Variants in RGS6 observed in about 807,000 individuals in gnomAD.
RGS6 encodes the protein regulator of G-protein signaling 6.
RGS6 carries 30 observed loss-of-function variants against 78.5 expected under a neutral mutation model. The ratio of observed to expected loss-of-function variants is 0.38; its 90% CI spans 0.29 to 0.52. The LOEUF is 0.52. Among genes scored for constraint, RGS6 ranks in the 20% least tolerant of loss-of-function variants. The pLI is 0.85. For missense variants in RGS6, 495 were observed against 609.7 expected (o/e 0.81, Z 1.98); for synonymous variants, 206 against 206.0 (o/e 1.00, Z 0.00).
intron 2 of RGS6, among the ~76,000 whole-genome samples, chr14:72,046,683 T>C (rs1318696164): frequency 6.6e-6 from 1 of 151,958 alleles, no homozygotes; most frequent in East Asian, 1.9e-4. Flanking sequence ...TCCTTCATCT[T>C]AACTCATCCT....
chr14:72,231,202 A>T (rs2049487473), intron 2 of RGS6, among the ~76,000 whole-genome samples: 1 of 152,202 alleles, frequency 6.6e-6, no homozygotes, highest in Non-Finnish European at 1.5e-5. Flanking sequence ...TGACAAGAGC[A>T]TCAACCCCAC....
chr14:72,050,669 A>G (rs934579360), intron 2 of RGS6, among the ~76,000 whole-genome samples: 2 of 152,226 alleles, frequency 1.3e-5, no homozygotes, highest in African/African-American at 4.8e-5. Context: ...CTCCTCTAGC[A>G]GGGAATCAAT....
At chr14:72,222,447 T>A (rs1439914323) in intron 2 of RGS6, among the ~76,000 whole-genome samples, 2 of 152,162 alleles carry the variant, frequency 1.3e-5, no homozygotes, top group African/African-American at 4.8e-5. Flanking sequence ...TCTCCAGGAG[T>A]ACCAAAGATA....
chr14:72,180,631 TAGCC>T (rs1298776601), intron 2 of RGS6, among the ~76,000 whole-genome samples: 6 of 152,242 alleles, frequency 3.9e-5, no homozygotes, highest in African/African-American at 1.4e-4. Flanking sequence ...ATAGCCAAGA[TAGCC>T]AGAGTGTATG....
intron 2 of RGS6, among the ~76,000 whole-genome samples, chr14:72,331,248 CAAAAA>C (rs55899915): frequency 1.6e-5 from 2 of 128,628 alleles, no homozygotes; most frequent in Admixed American, 7.8e-5. Flanking sequence ...CCCTGTCGTT[CAAAAA>C]AAAAAAAAAA....
chr14:72,382,324 C>A (rs1249759104), intron 3 of RGS6, among the ~76,000 whole-genome samples: 1 of 151,928 alleles, frequency 6.6e-6, no homozygotes, highest in African/African-American at 2.4e-5. Flanking sequence ...TATACATGAC[C>A]AATAAGCATA....
chr14:71,967,166 C>T (rs149145762), intron 2 of RGS6, among the ~76,000 whole-genome samples: 1,778 of 144,128 alleles, frequency 0.012, 41 homozygotes, highest in African/African-American at 0.043. Context: ...ATCTTACTTT[C>T]GTGTGACAAA....
intron 2 of RGS6, among the ~76,000 whole-genome samples, chr14:72,180,169 C>G (rs1250865716): frequency 6.6e-6 from 1 of 152,218 alleles, no homozygotes; most frequent in Non-Finnish European, 1.5e-5. Flanking sequence ...CTGCCAAGGA[C>G]TACTGTGATC....
chr14:72,205,740 TG>T (rs1366321590), intron 2 of RGS6, among the ~76,000 whole-genome samples: 4 of 152,262 alleles, frequency 2.6e-5, no homozygotes, highest in Admixed American at 2.0e-4. Context: ...AATAGTTTAC[TG>T]GCTAAGGCTC....
the RGS6 span, among the ~76,000 whole-genome samples, chr14:71,920,015 A>G: frequency 6.6e-6 from 1 of 152,138 alleles, no homozygotes; most frequent in Middle Eastern, 3.2e-3. Flanking sequence ...ATAAAATAAA[A>G]TAAAGAATTT....
At chr14:71,919,705 T>C in the RGS6 span, among the ~76,000 whole-genome samples, 3 of 152,114 alleles carry the variant, frequency 2.0e-5, no homozygotes, top group Admixed American at 6.5e-5. Context: ...TTAGAAATAA[T>C]TTTTTAAGCT....
chr14:71,995,227 T>C (rs1425477052), intron 2 of RGS6, among the ~76,000 whole-genome samples: 1 of 151,632 alleles, frequency 6.6e-6, no homozygotes, highest in Non-Finnish European at 1.5e-5. Context: ...CATCCCCAAT[T>C]GAAAAAAAAA....
intron 13 of RGS6, among the ~76,000 whole-genome samples, chr14:72,508,467 C>T (rs1026591337): frequency 3.3e-5 from 5 of 150,886 alleles, no homozygotes; most frequent in Non-Finnish European, 4.4e-5. Flanking sequence ...TTGGAGAGCA[C>T]GGTTATGGGA....
At chr14:72,509,214 A>C (rs911421522) in intron 13 of RGS6, among the ~76,000 whole-genome samples, 1 of 151,730 alleles carries the variant, frequency 6.6e-6, no homozygotes, top group Admixed American at 6.6e-5. Flanking sequence ...AATACAAAAA[A>C]ATTAGCCAGA....
intron 2 of RGS6, among the ~76,000 whole-genome samples, chr14:72,138,782 C>T (rs542042835): frequency 1.9e-4 from 29 of 152,198 alleles, no homozygotes; most frequent in South Asian, 1.9e-3. Context: ...AGGATGTGTG[C>T]TCCTTATGAG....
chr14:71,908,209 CA>C, the RGS6 span: 1 of 152,330 alleles, frequency 6.6e-6, no homozygotes, highest in South Asian at 2.1e-4. Flanking sequence ...TGCATTTCTG[CA>C]AAAATTTAGG....
chr14:72,474,636 G>A lies in RGS6; in HGVS notation c.630G>A (p.Val210=). Residue 210 remains valine (V), a synonymous_variant, in exon 10 of 18, where the codon GTG becomes GTA. Coordinates refer to ENST00000553525, the MANE Select transcript of RGS6 (RefSeq NM_001204424.2). ...WDVHRPVPGC[V]NTTEMDIRKC... ...TTTTTTTTTCTCAGCCAGGCTGTGTGAACACAACAGAAATGGATATCCGAA... is the reference window on the plus strand; with the variant it reads ...TTTTTTTTTCTCAGCCAGGCTGTGTAAACACAACAGAAATGGATATCCGAA... The A allele has an allele frequency of 6.2e-7, 1 of 1,610,550 alleles. No individual in the cohort carries two copies. Among genetic ancestry groups the A allele is most frequent in the Admixed American group, 1.7e-5 (1 of 59,596 alleles).
chr14:72,166,504 C>T (rs12892913), intron 2 of RGS6, among the ~76,000 whole-genome samples: 20,180 of 152,076 alleles, frequency 0.13, 1,674 homozygotes, highest in South Asian at 0.21. Context: ...CTTCTGAATT[C>T]AGGAATTTTC....
chr14:72,585,585 C>A, the RGS6 span, among the ~76,000 whole-genome samples: 1 of 152,174 alleles, frequency 6.6e-6, no homozygotes, highest in African/African-American at 2.4e-5. Context: ...AGCTTTTACA[C>A]CCAAATGTTG....
Sources: allele counts gnomAD v4.1 joint callset (sites outside exome capture counted in the v4.1 genomes callset), GRCh38; gene constraint gnomAD v4.1.1; transcripts MANE v1.5; gene names NCBI Gene and HGNC (gene_info 2026-07-23, HGNC 2026-07-21).